Variants in PDK1 observed in about 807,000 individuals in gnomAD.
The protein encoded by PDK1 is [Pyruvate dehydrogenase (acetyl-transferring)] kinase isozyme 1, mitochondrial.
PDK1 carries 39 observed loss-of-function variants against 54.2 expected under a neutral mutation model. The ratio of observed to expected loss-of-function variants is 0.72; its 90% CI spans 0.56 to 0.94. The LOEUF is 0.94. PDK1 is among the 40% of genes least tolerant of loss of function. PDK1 has a pLI of 0.00. For missense variants in PDK1, 552 were observed against 566.0 expected, an observed-to-expected ratio of 0.98 and a Z score of 0.25; for synonymous variants, 221 against 207.1, an observed-to-expected ratio of 1.07 and a Z score of -0.58.
chr2:172,640,977 CTGTTTCTT>C, the PDK1 span, among the ~76,000 whole-genome samples: 2 of 23,584 alleles, frequency 8.5e-5, no homozygotes, highest in Non-Finnish European at 3.5e-4. Flanking sequence ...CTCTTTCTTT[CTGTTTCTT>C]TCTTTCTTTC....
At chr2:172,654,537 A>T in the PDK1 span, among the ~76,000 whole-genome samples, 3 of 149,968 alleles carry the variant, frequency 2.0e-5, no homozygotes, top group South Asian at 6.3e-4. Flanking sequence ...GCATGTTCTC[A>T]CTCATAGGTG....
At chr2:172,675,162 ACT>A in the PDK1 span, among the ~76,000 whole-genome samples, 1 of 151,322 alleles carries the variant, frequency 6.6e-6, no homozygotes, top group South Asian at 2.1e-4. Context: ...TCTCTCTCTC[ACT>A]CTCTCTCTCC....
the PDK1 span, among the ~76,000 whole-genome samples, chr2:172,669,675 A>G: frequency 6.6e-6 from 1 of 152,068 alleles, no homozygotes; most frequent in Non-Finnish European, 1.5e-5. Context: ...CCTTACCAAC[A>G]CTTGTTTTGG....
At chr2:172,630,607 C>T in the PDK1 span, among the ~76,000 whole-genome samples, 17 of 149,654 alleles carry the variant, frequency 1.1e-4, no homozygotes, top group Non-Finnish European at 2.4e-4. Flanking sequence ...TGGTCATATC[C>T]ACCTATTTTT....
the PDK1 span, among the ~76,000 whole-genome samples, chr2:172,645,973 A>G: frequency 6.6e-6 from 1 of 152,258 alleles, no homozygotes; most frequent in Non-Finnish European, 1.5e-5. Context: ...GGGTAAACTT[A>G]GCCAAAATAC....
At chr2:172,682,141 A>G in the PDK1 span, among the ~76,000 whole-genome samples, 12 of 152,342 alleles carry the variant, frequency 7.9e-5, no homozygotes, top group African/African-American at 1.7e-4. Context: ...AGTGATAAGG[A>G]AGTCAATTCT....
the PDK1 span, among the ~76,000 whole-genome samples, chr2:172,682,209 C>T: frequency 6.6e-6 from 1 of 152,184 alleles, no homozygotes; most frequent in Non-Finnish European, 1.5e-5. Flanking sequence ...GGGACCATGG[C>T]CAGCATGTCT....
the PDK1 span, among the ~76,000 whole-genome samples, chr2:172,685,285 C>G: frequency 6.6e-6 from 1 of 152,218 alleles, no homozygotes; most frequent in South Asian, 2.1e-4. Flanking sequence ...TGAAGCCCTC[C>G]TCTAGTCATA....
At chr2:172,665,303 G>A in the PDK1 span, among the ~76,000 whole-genome samples, 2 of 152,104 alleles carry the variant, frequency 1.3e-5, no homozygotes, top group Non-Finnish European at 2.9e-5. Flanking sequence ...AGACTTTCTA[G>A]TGTTAAATCA....
At chr2:172,576,822 T>A (rs1256273520) in intron 8 of PDK1, among the ~76,000 whole-genome samples, 1 of 152,204 alleles carries the variant, frequency 6.6e-6, no homozygotes, top group Non-Finnish European at 1.5e-5. Context: ...ATTGGAAACA[T>A]ACTTTGTATG....
the PDK1 span, among the ~76,000 whole-genome samples, chr2:172,615,213 G>A: frequency 2.6e-5 from 4 of 152,152 alleles, no homozygotes; most frequent in South Asian, 2.1e-4. Context: ...CACTGCCAAC[G>A]TTGGATTCAA....
At chr2:172,570,850 CTTT>C (rs529091195) in intron 8 of PDK1, 26 bp downstream of exon 8, 502 of 995,850 alleles carry the variant, frequency 5.0e-4, no homozygotes, top group South Asian at 8.1e-4. Context: ...GGTTTGTTTT[CTTT>C]TTTTTTTTTT....
the PDK1 span, among the ~76,000 whole-genome samples, chr2:172,633,433 T>A: frequency 2.0e-5 from 3 of 147,268 alleles, no homozygotes; most frequent in African/African-American, 7.4e-5. Context: ...TTCCAATTGA[T>A]CAAAATCAAA....
the PDK1 span, among the ~76,000 whole-genome samples, chr2:172,636,858 G>A: frequency 6.6e-6 from 1 of 152,030 alleles, no homozygotes; most frequent in Admixed American, 6.6e-5. Context: ...TTAACATGAG[G>A]CTTGGAAGGG....
chr2:172,562,690 C>T, intron 3 of PDK1: 2 of 997,332 alleles, frequency 2.0e-6, no homozygotes, highest in South Asian at 1.3e-5. Flanking sequence ...AATGTAAAAT[C>T]TCTCACTTTT....
intron 8 of PDK1, among the ~76,000 whole-genome samples, chr2:172,583,295 T>TG (rs1385858445): frequency 7.5e-6 from 1 of 133,662 alleles, no homozygotes; most frequent in Non-Finnish European, 1.6e-5. Flanking sequence ...TTTTTTTTTT[T>TG]TTTTTTTTTT....
chr2:172,706,414 T>C, the PDK1 span, among the ~76,000 whole-genome samples: 1 of 152,112 alleles, frequency 6.6e-6, no homozygotes, highest in Non-Finnish European at 1.5e-5. Context: ...TGTTGGTGTC[T>C]GTCAATTGTC....
chr2:172,578,228 C>T (rs1689682831), intron 8 of PDK1, among the ~76,000 whole-genome samples: 2 of 152,160 alleles, frequency 1.3e-5, no homozygotes, highest in African/African-American at 4.8e-5. Context: ...TGTGATGAGT[C>T]ATTTCTCTGT....
At chr2:172,713,916 T>C in the PDK1 span, among the ~76,000 whole-genome samples, 4 of 152,242 alleles carry the variant, frequency 2.6e-5, no homozygotes, top group Admixed American at 6.5e-5. Context: ...CTGCCATCAC[T>C]ATTACACAAG....
Sources: allele counts gnomAD v4.1 joint callset (sites outside exome capture counted in the v4.1 genomes callset), GRCh38; gene constraint gnomAD v4.1.1; transcripts MANE v1.5; gene names NCBI Gene and HGNC (gene_info 2026-07-23, HGNC 2026-07-21).